EBF1: variants seen among roughly 807,000 people sequenced by gnomAD.
EBF1 encodes transcription factor COE1.
A neutral mutation model predicts 68.4 loss-of-function variants in EBF1; 10 were observed. The observed-to-expected ratio is 0.15, with a 90% CI of 0.09 to 0.25. The LOEUF is 0.25. Ranked by LOEUF, EBF1 falls within the 10% of genes least tolerant of loss-of-function variation. EBF1 has a pLI of 1.00. For missense variants in EBF1, 509 were observed against 794.4 expected (o/e 0.64, Z 4.32); for synonymous variants, 298 against 299.8 (o/e 0.99, Z 0.06).
intron 4 of EBF1, among the ~76,000 whole-genome samples, chr5:159,087,508 G>A (rs1317171258): frequency 6.6e-6 from 1 of 151,204 alleles, no homozygotes; most frequent in Non-Finnish European, 1.5e-5. Context: ...GGTTTTTGGA[G>A]GCAGGGGGAA....
chr5:158,885,413 C>T (rs770056641), intron 6 of EBF1, among the ~76,000 whole-genome samples: 3 of 152,164 alleles, frequency 2.0e-5, no homozygotes, highest in Non-Finnish European at 4.4e-5. Flanking sequence ...GTAATGCGGT[C>T]AGGAGTTAAT....
intron 6 of EBF1, among the ~76,000 whole-genome samples, chr5:158,898,282 C>A (rs1056219587): frequency 2.6e-5 from 4 of 152,192 alleles, no homozygotes; most frequent in African/African-American, 9.7e-5. Flanking sequence ...GCATTGGCAA[C>A]TGTTCCACAT....
intron 11 of EBF1, among the ~76,000 whole-genome samples, chr5:158,718,412 C>CT (rs34432265): frequency 4.3e-4 from 66 of 152,050 alleles, no homozygotes; most frequent in Non-Finnish European, 6.9e-4. Context: ...TTGCCTTCCC[C>CT]TTTTTTTGGA....
intron 11 of EBF1, among the ~76,000 whole-genome samples, chr5:158,721,923 C>G (rs1374026076): frequency 6.7e-6 from 1 of 148,412 alleles, no homozygotes; most frequent in Admixed American, 6.7e-5. Context: ...TTTATTTGGT[C>G]TCCTGGCATT....
intron 6 of EBF1, among the ~76,000 whole-genome samples, chr5:158,862,131 A>G (rs1002957783): frequency 6.6e-6 from 1 of 152,196 alleles, no homozygotes; most frequent in African/African-American, 2.4e-5. Context: ...TATCTGAATA[A>G]CCAAGGATTG....
At chr5:158,725,880 C>A (rs1183446327) in intron 11 of EBF1, among the ~76,000 whole-genome samples, 2 of 152,170 alleles carry the variant, frequency 1.3e-5, no homozygotes, top group East Asian at 3.8e-4. Context: ...TGTGAAATGA[C>A]AAACATCTTG....
chr5:158,714,150 T>C lies in EBF1; in HGVS notation c.1158A>G (p.Val386=), dbSNP rs769858589. 6.2e-7 allele frequency: 1 copy of C among 1,614,246 alleles called. No homozygotes were observed. Among genetic ancestry groups the C allele is most frequent in the South Asian group, 1.1e-5 (1 of 91,084 alleles). Reference sequence around the variant, plus strand: ...TGTGTGGCATCCCATACAGTGCTTCTACCAGATCCGCAGCCCTTTTGAGTA... The same window carrying C: ...TGTGTGGCATCCCATACAGTGCTTCCACCAGATCCGCAGCCCTTTTGAGTA... ...EVILKRAADL[V]EALYGMPHNN... Residue 386 remains valine, a synonymous_variant, in exon 12 of 16, where the codon GTA becomes GTG. Coordinates refer to ENST00000313708, the MANE Select transcript of EBF1 (RefSeq NM_024007.5).
chr5:158,869,541 TTC>T (rs1449427844), intron 6 of EBF1, among the ~76,000 whole-genome samples: 1 of 151,694 alleles, frequency 6.6e-6, no homozygotes, highest in Non-Finnish European at 1.5e-5. Context: ...ATTAGTAGTG[TTC>T]TCTTTTTTTT....
chr5:158,739,242 G>A (rs1277441207), intron 10 of EBF1, among the ~76,000 whole-genome samples: 1 of 152,200 alleles, frequency 6.6e-6, no homozygotes, highest in African/African-American at 2.4e-5. Flanking sequence ...ATCTCTTCAT[G>A]AACAGACCCC....
At chr5:159,087,123 A>T (rs1361303520) in intron 4 of EBF1, among the ~76,000 whole-genome samples, 1 of 151,820 alleles carries the variant, frequency 6.6e-6, no homozygotes, top group African/African-American at 2.4e-5. Flanking sequence ...ACTCGTAATA[A>T]TCTCTGTTTC....
intron 5 of EBF1, among the ~76,000 whole-genome samples, chr5:159,081,639 C>T (rs1285267614): frequency 1.3e-5 from 2 of 152,170 alleles, no homozygotes. Context: ...GAAAAGGGAA[C>T]TCAAGGGAGC....
chr5:159,019,339 C>T (rs928156775), intron 6 of EBF1, among the ~76,000 whole-genome samples: 4 of 152,138 alleles, frequency 2.6e-5, no homozygotes, highest in Non-Finnish European at 5.9e-5. Flanking sequence ...ATATAAATGT[C>T]GGGCTCATAT....
intron 9 of EBF1, among the ~76,000 whole-genome samples, chr5:158,787,406 C>T (rs1320136309): frequency 6.6e-6 from 1 of 152,128 alleles, no homozygotes; most frequent in Non-Finnish European, 1.5e-5. Flanking sequence ...TTGCTGTGAC[C>T]TAGGAAAACA....
At chr5:158,832,078 A>G (rs909050785) in intron 7 of EBF1, among the ~76,000 whole-genome samples, 1 of 152,236 alleles carries the variant, frequency 6.6e-6, no homozygotes, top group African/African-American at 2.4e-5. Flanking sequence ...GAATATAAGG[A>G]TACCTTTTGC....
intron 9 of EBF1, among the ~76,000 whole-genome samples, chr5:158,789,611 A>G (rs1053611849): frequency 9.2e-5 from 14 of 152,210 alleles, no homozygotes; most frequent in African/African-American, 3.4e-4. Flanking sequence ...TGAGCCCAGC[A>G]TTAAGTAGAT....
intron 7 of EBF1, among the ~76,000 whole-genome samples, chr5:158,831,032 C>A (rs148101968): frequency 1.3e-5 from 2 of 152,150 alleles, no homozygotes; most frequent in Non-Finnish European, 2.9e-5. Flanking sequence ...GTCTCCTGAA[C>A]GGTGACATAT....
At chr5:158,706,747 G>T (rs1026956050) in intron 15 of EBF1, among the ~76,000 whole-genome samples, 10 of 152,092 alleles carry the variant, frequency 6.6e-5, no homozygotes, top group Admixed American at 5.2e-4. Context: ...ACTCTGATGG[G>T]GCTTACATTC....
intron 10 of EBF1, among the ~76,000 whole-genome samples, chr5:158,776,257 G>C (rs769193649): frequency 9.9e-5 from 15 of 152,146 alleles, no homozygotes; most frequent in Middle Eastern, 3.4e-3. Context: ...TTTGTTTAAA[G>C]GGCTGGGAGG....
intron 6 of EBF1, among the ~76,000 whole-genome samples, chr5:158,885,029 G>A (rs1799748908): frequency 1.3e-5 from 2 of 152,220 alleles, no homozygotes; most frequent in South Asian, 2.1e-4. Context: ...GATGCAGCAT[G>A]TGCAAAAGCA....
Sources: allele counts gnomAD v4.1 joint callset (sites outside exome capture counted in the v4.1 genomes callset), GRCh38; gene constraint gnomAD v4.1.1; transcripts MANE v1.5; gene names NCBI Gene and HGNC (gene_info 2026-07-23, HGNC 2026-07-21).